Variants in AK5 observed in about 807,000 individuals in gnomAD.
The protein encoded by AK5 is adenylate kinase 5, also known as adenylate kinase isoenzyme 5.
Under a neutral mutation model 69.5 loss-of-function variants are expected in AK5, and 27 were observed. That is an observed-to-expected ratio of 0.39 (90% CI 0.29 to 0.54). The LOEUF is 0.54. AK5 is among the 20% of genes least tolerant of loss of function. The pLI, the probability that AK5 is intolerant of heterozygous loss-of-function variation, is 0.71. For missense variants in AK5, 531 were observed against 700.4 expected, an observed-to-expected ratio of 0.76 and a Z score of 2.73; for synonymous variants, 260 against 244.4, an observed-to-expected ratio of 1.06 and a Z score of -0.60.
chr1:77,486,680 G>C (rs1433790953), intron 10 of AK5, among the ~76,000 whole-genome samples: 1 of 149,796 alleles, frequency 6.7e-6, no homozygotes, highest in African/African-American at 2.5e-5. Context: ...CTGGGTGACA[G>C]AGCAAGACTC....
At chr1:77,327,969 C>T (rs1660891757) in intron 5 of AK5, among the ~76,000 whole-genome samples, 1 of 152,128 alleles carries the variant, frequency 6.6e-6, no homozygotes, top group African/African-American at 2.4e-5. Context: ...TGAAACAAAA[C>T]CCCAGCTGCT....
intron 10 of AK5, among the ~76,000 whole-genome samples, chr1:77,497,498 C>T (rs1360117622): frequency 6.6e-6 from 1 of 152,210 alleles, no homozygotes; most frequent in Non-Finnish European, 1.5e-5. Context: ...GACCAAGAAC[C>T]CACTGGAAGG....
At position 77,282,024 on chromosome 1, in the gene AK5, C is replaced by G. The variant is rs1344114345; in HGVS notation, c.-290C>G. On this transcript the variant is annotated 5_prime_UTR_variant, in exon 1 of 14. Transcript: ENST00000354567. ...GCTCCCTGCGCCCCACCCCTGGCGG[C>G]CGCGCTGCCTGGCAGCCCGGGAAGC... The G allele has an allele frequency of 3.4e-6, 1 of 297,686 alleles. No individual in the cohort carries two copies. Among genetic ancestry groups the G allele is most frequent in the East Asian group, 5.4e-5 (1 of 18,462 alleles). 18.4% of individuals were successfully genotyped at this position (297,686 alleles called of 1,614,324 possible).
intron 5 of AK5, among the ~76,000 whole-genome samples, chr1:77,299,676 T>C (rs563120910): frequency 1.5e-4 from 23 of 152,234 alleles, no homozygotes; most frequent in African/African-American, 4.6e-4. Context: ...GCTACCACAT[T>C]ATATTGCTGT....
chr1:77,518,483 G>A, intron 10 of AK5, 81 bp from the exon 11 acceptor site: 1 of 1,455,606 alleles, frequency 6.9e-7, no homozygotes. Flanking sequence ...GGAACACTGA[G>A]GCTTGCTCAC....
intron 12 of AK5, among the ~76,000 whole-genome samples, chr1:77,530,284 A>G (rs1658509939): frequency 6.6e-6 from 1 of 152,174 alleles, no homozygotes; most frequent in African/African-American, 2.4e-5. Context: ...TGGGGGGAGA[A>G]GTTATATATC....
chr1:77,404,761 A>T (rs1199965906), intron 6 of AK5, among the ~76,000 whole-genome samples: 1 of 152,212 alleles, frequency 6.6e-6, no homozygotes, highest in East Asian at 1.9e-4. Flanking sequence ...TATGAATGTT[A>T]TCTTCATTCC....
chr1:77,393,480 G>A lies in AK5; in HGVS notation c.892-17501G>A, dbSNP rs562931560. Among the ~76,000 whole-genome samples, 4 of 152,182 alleles carry A rather than the reference G, an allele frequency of 2.6e-5. No individual in the cohort carries two copies. The South Asian group carries it at 8.3e-4, about 32-fold the overall frequency. On this transcript the variant is annotated intron_variant, in intron 6 of 13. Coordinates refer to ENST00000354567, the MANE Select transcript of AK5 (RefSeq NM_174858.3). ...GGTATTTATGAAATAAATGTAAAAC[G>A]GGATTTTTAAAAAGTAGTGATCATG... is the stretch of plus-strand genomic sequence containing the variant.
chr1:77,536,103 G>C, intron 13 of AK5, 65 bp downstream of exon 13: 1 of 1,484,562 alleles, frequency 6.7e-7, no homozygotes, highest in African/African-American at 1.4e-5. Flanking sequence ...TCCAAGAAAA[G>C]AGAAAAAGCT....
intron 10 of AK5, among the ~76,000 whole-genome samples, chr1:77,502,208 A>G (rs1656758931): frequency 2.0e-5 from 3 of 152,240 alleles, no homozygotes; most frequent in Admixed American, 2.0e-4. Flanking sequence ...TAGCAGTGGT[A>G]TGACATGCTA....
intron 6 of AK5, among the ~76,000 whole-genome samples, chr1:77,390,079 G>T (rs1227875949): frequency 1.3e-5 from 2 of 152,304 alleles, no homozygotes; most frequent in African/African-American, 4.8e-5. Context: ...GACATTCAAG[G>T]TCTATTTTAA....
At chr1:77,334,377 A>G (rs1041612064) in intron 5 of AK5, among the ~76,000 whole-genome samples, 15 of 151,964 alleles carry the variant, frequency 9.9e-5, no homozygotes, top group African/African-American at 2.7e-4. Context: ...CTTTAAAGAT[A>G]TTTTTTGGTC....
chr1:77,558,961 A>T lies in AK5; in HGVS notation c.*291A>T. ...GGCCACACTCAGAGCTAGTCAGTAC[A>T]TGAACAGTGGTGCGGTGCCAGTCTG... On this transcript the variant is annotated 3_prime_UTR_variant, in exon 14 of 14. Coordinates refer to ENST00000354567, the MANE Select transcript of AK5 (RefSeq NM_174858.3). 3.6e-6 allele frequency: 1 copy of T among 277,404 alleles called. No homozygotes were observed. Among genetic ancestry groups the T allele is most frequent in the Non-Finnish European group, 6.9e-6 (1 of 143,940 alleles). The allele number at this position is 277,404 out of a possible 1,614,324, so 17.2% of individuals were successfully genotyped here.
chr1:77,376,650 C>T (rs190476442), intron 6 of AK5, among the ~76,000 whole-genome samples: 59 of 152,040 alleles, frequency 3.9e-4, no homozygotes, highest in African/African-American at 1.3e-3. Context: ...ATAAGAAATA[C>T]AGAAGTCTGG....
Position 77,397,051 on chromosome 1 carries a change from T to TA in AK5, c.892-13926dup, listed in dbSNP as rs1370386736. 2.0e-5 allele frequency among the ~76,000 whole-genome samples: 3 copies of TA among 152,314 alleles called. No individual in the cohort carries two copies. In the East Asian group the frequency reaches 5.8e-4, roughly 29 times the overall value. The stretch of plus-strand genomic sequence containing the variant: ...TAGAGAATAGTCAGCTACCAGGTGT[T>TA]AAAATCCCAAGAAAGCCTTCAGATA... On this transcript the variant is annotated intron_variant, in intron 6 of 13. Transcript: ENST00000354567.
At chr1:77,470,844 TATATATATA>T (rs1654421051) in intron 8 of AK5, among the ~76,000 whole-genome samples, 1 of 3,910 alleles carries the variant, frequency 2.6e-4, no homozygotes, top group Non-Finnish European at 3.9e-4. Flanking sequence ...TATATATATA[TATATATATA>T]TATATATATA....
intron 8 of AK5, among the ~76,000 whole-genome samples, chr1:77,453,237 T>C (rs1653264338): frequency 2.0e-5 from 3 of 152,200 alleles, no homozygotes; most frequent in Admixed American, 6.5e-5. Context: ...AAGCAAGTAC[T>C]TTTCTCTGTT....
At chr1:77,343,696 T>C (rs1661774847) in intron 6 of AK5, among the ~76,000 whole-genome samples, 1 of 152,172 alleles carries the variant, frequency 6.6e-6, no homozygotes, top group Admixed American at 6.5e-5. Flanking sequence ...CTCAGTGTGA[T>C]TATGAGGAGT....
chr1:77,355,256 T>C (rs1662434290), intron 6 of AK5, among the ~76,000 whole-genome samples: 1 of 152,234 alleles, frequency 6.6e-6, no homozygotes, highest in African/African-American at 2.4e-5. Context: ...TTGTGATTGC[T>C]GGCTCATTTC....
Sources: allele counts gnomAD v4.1 joint callset (sites outside exome capture counted in the v4.1 genomes callset), GRCh38; gene constraint gnomAD v4.1.1; transcripts MANE v1.5; gene names NCBI Gene and HGNC (gene_info 2026-07-23, HGNC 2026-07-21).